PHKA2: variants seen among roughly 807,000 people sequenced by gnomAD.
PHKA2 encodes phosphorylase b kinase regulatory subunit alpha, liver isoform.
Under a neutral mutation model 102.0 loss-of-function variants are expected in PHKA2, and 31 were observed. The observed-to-expected ratio is 0.30, with a 90% confidence interval of 0.23 to 0.41. The LOEUF is 0.41. Ranked by LOEUF, PHKA2 falls within the 10% of genes least tolerant of loss-of-function variation. PHKA2 has a pLI of 1.00. For missense variants in PHKA2, 858 were observed against 1,023.1 expected (o/e 0.84, Z 2.20); for synonymous variants, 455 against 416.2 (o/e 1.09, Z -1.13).
intron 3 of PHKA2, among the ~76,000 whole-genome samples, chrX:18,952,098 G>A (rs1010946670): frequency 2.9e-5 from 3 of 103,995 alleles, no homozygotes; most frequent in Non-Finnish European, 5.9e-5. Flanking sequence ...CCTGTAATCC[G>A]AGCACTTTGG....
Position 18,906,739 on chromosome X carries a change from C to A in PHKA2, c.2673G>T (p.Thr891=), listed in dbSNP as rs771760955. The A allele has an allele frequency of 8.3e-7, 1 of 1,209,858 alleles. No individual in the cohort carries two copies. Among genetic ancestry groups the A allele is most frequent in the South Asian group, 1.8e-5 (1 of 56,968 alleles). Residue 891 remains threonine, a synonymous_variant, in exon 24 of 33, where the codon ACG becomes ACT. Coordinates refer to ENST00000379942, the MANE Select transcript of PHKA2 (RefSeq NM_000292.3). The stretch of plus-strand genomic sequence containing the variant: ...CCCTCCCACACCAGCCCCAGACCTG[C>A]GTGAGGACGGCAATGCTGATGTCCT... The part of the protein sequence containing the change: ...SGQDISIAVL[T]QEIVVYLAMY...
intron 18 of PHKA2, 31 bp from the exon 19 acceptor site, chrX:18,918,885 A>G: frequency 1.7e-6 from 2 of 1,174,036 alleles, no homozygotes; most frequent in Non-Finnish European, 2.3e-6. Context: ...AAAAGAGCCA[A>G]TGAAACCAAG....
intron 16 of PHKA2, 59 bp from the exon 17 acceptor site, chrX:18,924,193 C>A: frequency 1.0e-6 from 1 of 982,675 alleles, no homozygotes; most frequent in Non-Finnish European, 1.5e-6. Context: ...CCGTTATGCA[C>A]TGAAACATTT....
chrX:18,896,965 T>C (rs1395671759), intron 30 of PHKA2, among the ~76,000 whole-genome samples, 198 bp downstream of exon 30: 3 of 110,946 alleles, frequency 2.7e-5, no homozygotes, highest in Admixed American at 1.9e-4. Flanking sequence ...ATCTGGCGGG[T>C]AGAGGCCAGG....
chrX:18,975,011 G>A (rs538996434), intron 1 of PHKA2, among the ~76,000 whole-genome samples: 83 of 110,314 alleles, frequency 7.5e-4, no homozygotes, highest in Non-Finnish European at 1.2e-3. Flanking sequence ...ATCTCGTCTC[G>A]TCTCGTCTCA....
intron 2 of PHKA2, among the ~76,000 whole-genome samples, chrX:18,953,060 CAAT>C (rs1236129638): frequency 2.7e-5 from 3 of 111,969 alleles, no homozygotes; most frequent in African/African-American, 6.5e-5. Context: ...TAAATAACAA[CAAT>C]AATGCTACGT....
chrX:18,938,355 A>G (rs2048426838), intron 10 of PHKA2, among the ~76,000 whole-genome samples: 1 of 113,253 alleles, frequency 8.8e-6, no homozygotes, highest in Non-Finnish European at 1.9e-5. Flanking sequence ...CATCTTGGAA[A>G]TAGATTCTCC....
intron 17 of PHKA2, among the ~76,000 whole-genome samples, chrX:18,922,159 T>C (rs974329375): frequency 4.5e-5 from 5 of 111,429 alleles, no homozygotes; most frequent in South Asian, 3.8e-4. Context: ...GGCAGGAGAA[T>C]TGCTTGAACC....
chrX:18,966,919 G>A (rs992039945), intron 1 of PHKA2, among the ~76,000 whole-genome samples: 2 of 111,874 alleles, frequency 1.8e-5, no homozygotes, highest in Non-Finnish European at 3.8e-5. Flanking sequence ...TACTGCAGGA[G>A]GAGGGACGGC....
At chrX:18,971,973 T>C (rs1325674910) in intron 1 of PHKA2, among the ~76,000 whole-genome samples, 1 of 112,928 alleles carries the variant, frequency 8.9e-6, no homozygotes, top group Non-Finnish European at 1.9e-5. Context: ...TCATAAGAGG[T>C]TTTGCTTTTG....
intron 1 of PHKA2, among the ~76,000 whole-genome samples, chrX:18,970,104 A>G (rs1156737516): frequency 9.1e-6 from 1 of 110,145 alleles, no homozygotes; most frequent in Non-Finnish European, 1.9e-5. Flanking sequence ...CCAGGTGTGG[A>G]GGCATGTGCC....
intron 6 of PHKA2, among the ~76,000 whole-genome samples, 172 bp from the exon 7 acceptor site, chrX:18,943,980 T>C (rs2048536572): frequency 1.8e-5 from 2 of 111,535 alleles, no homozygotes; most frequent in Admixed American, 9.6e-5. Context: ...TTTATTCTTT[T>C]CTTTTCTTTT....
chrX:18,925,671 G>C lies in PHKA2; in HGVS notation c.1566C>G (p.Pro522=), dbSNP rs372872986. The change falls in exon 15 of 33, where the codon CCC becomes CCG. Residue 522 remains proline, a synonymous_variant. Coordinates refer to ENST00000379942, the MANE Select transcript of PHKA2 (RefSeq NM_000292.3). ...VIRNQIFTFT[P]QFTDQHHFYL... ...CTCGTTGGCCTGCTCTCCTCACCTG[G>C]GGTGTAAAAGTAAAGATTTGGTTCC... The C allele has an allele frequency of 1.8e-6, 2 of 1,104,623 alleles. No homozygotes were observed. Among genetic ancestry groups the C allele is most frequent in the Non-Finnish European group, 2.5e-6 (2 of 797,731 alleles). The allele number at this position is 1,104,623 out of a possible 1,213,427, so 91.0% of individuals were successfully genotyped here. A position where few individuals can be genotyped will look rare whatever the true frequency, so the allele number is the denominator to read the frequency against.
At position 18,951,190 on chromosome X, in the gene PHKA2, G is replaced by A. The variant is rs1436248024; in HGVS notation, c.368C>T (p.Thr123Met). Residue 123 changes from threonine (T) to methionine (M), a missense_variant, in exon 4 of 33, where the codon ACG becomes ATG. Thr to Met is a moderately conservative substitution (Grantham distance 81). Around this residue, in one of 2 missense-constraint regions of PHKA2, gnomAD observed 187 missense variants for 277.9 expected, o/e 0.67. Coordinates refer to ENST00000379942, the MANE Select transcript of PHKA2 (RefSeq NM_000292.3). ...GCCCCACTGGTCGTCGCCCACCACC[G>A]TGCCACAGGTGGCGGTGTTGTACTT... Reference protein sequence around the residue: ...HAKYNTATCGTVVGDDQWGHL... With the variant: ...HAKYNTATCGMVVGDDQWGHL... 1.7e-6 allele frequency: 2 copies of A among 1,209,939 alleles called. No homozygotes were observed. The highest frequency in any genetic ancestry group is 1.7e-5 in the African/African-American group (1 of 57,783).
intron 20 of PHKA2, among the ~76,000 whole-genome samples, chrX:18,909,523 AG>A (rs1281849154): frequency 8.9e-6 from 1 of 112,215 alleles, no homozygotes; most frequent in African/African-American, 3.2e-5. Flanking sequence ...ACCAGAGCCC[AG>A]GAACTGGGGG....
At chrX:18,894,941 G>C in intron 31 of PHKA2, 197 bp downstream of exon 31, 1 of 478,171 alleles carries the variant, frequency 2.1e-6, no homozygotes, top group South Asian at 3.0e-5. Context: ...CTCAGGTGAA[G>C]AAAAAGGCTG....
At chrX:18,900,521 C>T (rs2047661531) in intron 28 of PHKA2, 149 bp downstream of exon 28, 8 of 543,794 alleles carry the variant, frequency 1.5e-5, no homozygotes, top group Admixed American at 5.0e-5. Flanking sequence ...CTCCTGCCCT[C>T]GAGTCCTGCT....
intron 1 of PHKA2, among the ~76,000 whole-genome samples, chrX:18,958,879 T>G (rs1207447241): frequency 9.0e-6 from 1 of 111,553 alleles, no homozygotes; most frequent in Non-Finnish European, 1.9e-5. Context: ...CCAGCTAATT[T>G]TTGTACTTTT....
rs143805705 is a variant in PHKA2 at position 18,937,360 on chromosome X, T to C, written c.1042-1210A>G. Among the ~76,000 whole-genome samples the C allele has an allele frequency of 4.5e-3, 504 of 111,531 alleles. 4 individuals carry two copies. The highest frequency in any genetic ancestry group is 0.014 in the African/African-American group (433 of 30,682). ...GAGAGTTGCATCAGTAAATGTTTAC[T>C]GAGCACATACTATGCACTAGGCACA... is the stretch of plus-strand genomic sequence containing the variant. On this transcript the variant is annotated intron_variant, in intron 10 of 32. Transcript: ENST00000379942.
Sources: allele counts gnomAD v4.1 joint callset (sites outside exome capture counted in the v4.1 genomes callset), GRCh38; gene constraint gnomAD v4.1.1; regional missense constraint gnomAD v4.1.1; transcripts MANE v1.5; gene names NCBI Gene and HGNC (gene_info 2026-07-23, HGNC 2026-07-21).